MAML3: variants seen among roughly 807,000 people sequenced by gnomAD.
MAML3 encodes the protein mastermind-like protein 3.
Under a neutral mutation model 101.9 loss-of-function variants are expected in MAML3, and 27 were observed. That is an observed-to-expected ratio of 0.27 (90% CI 0.20 to 0.37). The LOEUF is 0.37. Ranked by LOEUF, MAML3 falls within the 10% of genes least tolerant of loss-of-function variation. The pLI, the probability that MAML3 is intolerant of heterozygous loss-of-function variation, is 1.00. For missense variants in MAML3, 1,316 were observed against 1,444.9 expected (o/e 0.91, Z 1.45); for synonymous variants, 501 against 555.9 (o/e 0.90, Z 1.39).
intron 2 of MAML3, among the ~76,000 whole-genome samples, chr4:139,742,206 T>G (rs915494613): frequency 9.3e-5 from 14 of 151,082 alleles, no homozygotes; most frequent in African/African-American, 3.4e-4. Context: ...TGAAGTGCAG[T>G]GGCACAATCT....
At chr4:140,014,873 A>G (rs1317652006) in intron 1 of MAML3, among the ~76,000 whole-genome samples, 1 of 152,238 alleles carries the variant, frequency 6.6e-6, no homozygotes, top group Non-Finnish European at 1.5e-5. Flanking sequence ...TGTGTATAGG[A>G]AGAATGGAAA....
At chr4:140,008,397 GGTTTCT>G (rs1384399694) in intron 1 of MAML3, among the ~76,000 whole-genome samples, 1 of 152,170 alleles carries the variant, frequency 6.6e-6, no homozygotes, top group Non-Finnish European at 1.5e-5. Context: ...GGTGTTTACA[GGTTTCT>G]GACCTTTTAG....
intron 1 of MAML3, among the ~76,000 whole-genome samples, chr4:139,977,360 AC>A (rs1734361590): frequency 6.6e-6 from 1 of 152,076 alleles, no homozygotes; most frequent in South Asian, 2.1e-4. Context: ...AGGGTGAGAA[AC>A]TCTGGCCTAA....
intron 1 of MAML3, among the ~76,000 whole-genome samples, chr4:140,146,416 T>TTCTGC (rs1414538446): frequency 6.6e-6 from 1 of 152,200 alleles, no homozygotes; most frequent in African/African-American, 2.4e-5. Flanking sequence ...CCATGATCTT[T>TTCTGC]AAGTATTTAT....
intron 2 of MAML3, among the ~76,000 whole-genome samples, chr4:139,790,243 A>AT (rs58932618): frequency 9.4e-4 from 133 of 141,510 alleles, no homozygotes; most frequent in African/African-American, 1.9e-3. Flanking sequence ...ATATATATAT[A>AT]AATAAATATA....
chr4:139,861,402 C>T (rs1397995304), intron 2 of MAML3, among the ~76,000 whole-genome samples: 1 of 151,922 alleles, frequency 6.6e-6, no homozygotes, highest in African/African-American at 2.4e-5. Context: ...TGAAATTCCA[C>T]CTAGTCTACC....
chr4:139,776,440 G>A (rs1005619773), intron 2 of MAML3, among the ~76,000 whole-genome samples: 42 of 152,260 alleles, frequency 2.8e-4, no homozygotes, highest in African/African-American at 9.6e-4. Context: ...CAGATTAGGT[G>A]ATAAGTGATT....
At chr4:139,843,114 T>A (rs1347596186) in intron 2 of MAML3, among the ~76,000 whole-genome samples, 3 of 152,072 alleles carry the variant, frequency 2.0e-5, no homozygotes. Context: ...GCAGACGCTT[T>A]CTCCAACTTC....
rs541652595 is a variant in MAML3 at position 139,890,157 on chromosome 4, G to A, written c.1279C>T (p.Pro427Ser). The change falls in exon 2 of 5, where the codon CCA becomes TCA. Residue 427 changes from proline (P) to serine (S), a missense_variant. Physicochemically the swap from Pro to Ser is moderately conservative, Grantham distance 74. Transcript: ENST00000509479. This position sits in a 1 kb window ranked among gnomAD's most constrained non-coding sequence, Gnocchi z 4.1. ...SPQTPNQAHTPGQAPPRPGNG... is the reference protein window; with the variant it reads ...SPQTPNQAHTSGQAPPRPGNG... ...CCAGGCCGAGGTGGAGCTTGGCCTG[G>A]AGTGTGGGCTTGGTTTGGAGTTTGA... The A allele has an allele frequency of 1.9e-5, 31 of 1,613,510 alleles. No individual in the cohort carries two copies. In the Admixed American group the frequency reaches 3.8e-4, roughly 20 times the overall value.
At chr4:139,825,125 G>A (rs1043166007) in intron 2 of MAML3, among the ~76,000 whole-genome samples, 5 of 151,956 alleles carry the variant, frequency 3.3e-5, no homozygotes, top group Admixed American at 3.3e-4. Flanking sequence ...AGGAAGTTGG[G>A]GTAGAAGACA....
rs573687911 is a variant in MAML3 at position 139,925,519 on chromosome 4, T to G, written c.469-34552A>C. ...TGCTGGGATTACAGGCATGAGCCAC[T>G]GGATCCGGCCCCAGTCCCTGTACTC... On this transcript the variant is annotated intron_variant, in intron 1 of 4. Transcript: ENST00000509479. Among the ~76,000 whole-genome samples the G allele has an allele frequency of 3.5e-3, 480 of 136,212 alleles. 3 individuals are homozygous for G. Among genetic ancestry groups the G allele is most frequent in the African/African-American group, 0.012 (450 of 39,032 alleles). The allele number at this position is 136,212 out of a possible 152,430, so 89.4% of individuals were successfully genotyped here.
intron 1 of MAML3, among the ~76,000 whole-genome samples, chr4:139,906,433 A>G (rs2111218337): frequency 6.6e-6 from 1 of 152,362 alleles, no homozygotes; most frequent in East Asian, 1.9e-4. Flanking sequence ...TGTTCCCTGC[A>G]GCTTAGTAAA....
At chr4:140,095,936 AGGGCAGGGAC>A (rs1448430856) in intron 1 of MAML3, among the ~76,000 whole-genome samples, 1 of 152,222 alleles carries the variant, frequency 6.6e-6, no homozygotes, top group Non-Finnish European at 1.5e-5. Flanking sequence ...AAGCTCCTAA[AGGGCAGGGAC>A]TGGGTAATAT....
intron 2 of MAML3, among the ~76,000 whole-genome samples, chr4:139,798,030 GAGAGAGAA>G (rs1560797438): frequency 2.8e-5 from 3 of 108,948 alleles, no homozygotes; most frequent in African/African-American, 1.0e-4. Flanking sequence ...AGAAAGGAGA[GAGAGAGAA>G]AGAAAGAAAG....
chr4:139,820,505 G>A (rs879807645), intron 2 of MAML3, among the ~76,000 whole-genome samples: 4 of 152,016 alleles, frequency 2.6e-5, no homozygotes, highest in Non-Finnish European at 4.4e-5. Flanking sequence ...TTTAGTTTAC[G>A]GGAATGAAGA....
chr4:139,984,692 G>A (rs932617474), intron 1 of MAML3, among the ~76,000 whole-genome samples: 1 of 152,228 alleles, frequency 6.6e-6, no homozygotes, highest in Non-Finnish European at 1.5e-5. Context: ...GGGCAGGCCA[G>A]CATGCTGAAA....
At chr4:139,984,134 C>T (rs1260018222) in intron 1 of MAML3, among the ~76,000 whole-genome samples, 1 of 152,072 alleles carries the variant, frequency 6.6e-6, no homozygotes, top group Non-Finnish European at 1.5e-5. Context: ...GGGGCCAGAA[C>T]AGGAGGTGGC....
intron 2 of MAML3, among the ~76,000 whole-genome samples, chr4:139,766,491 C>T (rs948660994): frequency 2.0e-5 from 3 of 152,072 alleles, no homozygotes; most frequent in Non-Finnish European, 4.4e-5. Flanking sequence ...TTTTTTAAAG[C>T]TCTAGATGCC....
Position 139,719,841 on chromosome 4 carries a change from T to C in MAML3, c.2899A>G (p.Ser967Gly), listed in dbSNP as rs757175972. Residue 967 changes from serine (S) to glycine (G), a missense_variant, in exon 5 of 5, where the codon AGC becomes GGC. Transcript: ENST00000509479. Reference sequence around the variant, plus strand: ...GTCCTCCCAGGCATGCCCTGCAAGCTCCTCTGTTGCCAGCTTTGTGCTCCT... The same window carrying C: ...GTCCTCCCAGGCATGCCCTGCAAGCCCCTCTGTTGCCAGCTTTGTGCTCCT... The part of the protein sequence containing the change: ...QQGAQSWQQR[S>G]LQGMPGRTSG... The C allele has an allele frequency of 6.2e-7, 1 of 1,613,704 alleles. No homozygotes were observed. The highest frequency in any genetic ancestry group is 8.5e-7 in the Non-Finnish European group (1 of 1,179,894).
Sources: gnomAD v4.1 joint callset for allele counts (sites outside exome capture counted in the v4.1 genomes callset) on GRCh38, gnomAD v4.1.1 for gene constraint, Gnocchi (gnomAD v3.1) non-coding constraint, MANE v1.5 for transcripts, NCBI Gene and HGNC (gene_info 2026-07-23, HGNC 2026-07-21) for gene names.